Variants in BTBD7 observed in about 807,000 individuals in gnomAD.
The protein encoded by BTBD7 is BTB domain containing 7.
Under a neutral mutation model 99.9 loss-of-function variants are expected in BTBD7, and 38 were observed. That is an observed-to-expected ratio of 0.38 (90% confidence interval 0.29 to 0.50). BTBD7 has a LOEUF of 0.50. BTBD7 is among the 20% of genes least tolerant of loss of function. The pLI is 0.93. For synonymous variants in BTBD7, 520 were observed against 511.4 expected, an observed-to-expected ratio of 1.02 and a Z score of -0.23; for missense variants, 1,170 against 1,394.6, an observed-to-expected ratio of 0.84 and a Z score of 2.57.
Position 93,242,121 on chromosome 14 carries a change from G to A in BTBD7, c.*152C>T, listed in dbSNP as rs1367020870. The A allele has an allele frequency of 1.4e-5, 9 of 631,018 alleles. No individual in the cohort carries two copies. Among genetic ancestry groups the A allele is most frequent in the Non-Finnish European group, 2.1e-5 (8 of 376,790 alleles). 39.1% of individuals were successfully genotyped at this position (631,018 alleles called of 1,614,324 possible). A position where few individuals can be genotyped will look rare whatever the true frequency, so the allele number is the denominator to read the frequency against. Reference sequence around the variant, plus strand: ...AAACAAAACCTTCTTAGCATGCCATGTCTAATAAACACATATATACACAAA... The same window carrying A: ...AAACAAAACCTTCTTAGCATGCCATATCTAATAAACACATATATACACAAA... On this transcript the variant is annotated 3_prime_UTR_variant, in exon 11 of 11. Coordinates refer to ENST00000334746, the MANE Select transcript of BTBD7 (RefSeq NM_001002860.4).
At chr14:93,300,702 ATTTGTGTGTGTGTGTGTGTGTGTG>A (rs2052985455) in intron 1 of BTBD7, among the ~76,000 whole-genome samples, 2 of 107,506 alleles carry the variant, frequency 1.9e-5, no homozygotes, top group Non-Finnish European at 3.8e-5. Flanking sequence ...TGCCCAGCTA[ATTTGTGTGTGTGTGTGTGTGTGTG>A]TGTGTGTGTG....
chr14:93,257,738 C>A (rs1470790122), intron 5 of BTBD7, among the ~76,000 whole-genome samples: 2 of 152,162 alleles, frequency 1.3e-5, no homozygotes, highest in East Asian at 1.9e-4. Context: ...AGAGCATATG[C>A]CATTTCTGGT....
intron 1 of BTBD7, 40 bp from the exon 2 acceptor site, chr14:93,296,197 G>C (rs535804590): frequency 7.9e-7 from 1 of 1,259,146 alleles, no homozygotes; most frequent in African/African-American, 1.5e-5. Flanking sequence ...ATTTTTTCAA[G>C]TGTATCTCAG....
intron 3 of BTBD7, among the ~76,000 whole-genome samples, chr14:93,287,414 A>G (rs1228466777): frequency 7.0e-6 from 1 of 142,246 alleles, no homozygotes; most frequent in East Asian, 2.1e-4. Context: ...TCTAGTATTT[A>G]CCTCTCTATA....
chr14:93,276,153 T>C (rs1470090904), intron 3 of BTBD7, among the ~76,000 whole-genome samples: 1 of 152,156 alleles, frequency 6.6e-6, no homozygotes, highest in Non-Finnish European at 1.5e-5. Flanking sequence ...GAGGTCAAGG[T>C]TGCAGTGAGC....
Position 93,284,193 on chromosome 14 carries a change from C to G in BTBD7, c.1162+9665G>C, listed in dbSNP as rs555752737. 2.0e-5 allele frequency among the ~76,000 whole-genome samples: 3 copies of G among 152,258 alleles called. No homozygotes were observed. The South Asian group carries it at 6.2e-4, about 32-fold the overall frequency. ...GCCTTAAAAGATGAACAGCATTAAA[C>G]TGGCTTTTGAGAATTTTCTAAATTC... On this transcript the variant is annotated intron_variant, in intron 3 of 10. Coordinates refer to ENST00000334746, the MANE Select transcript of BTBD7 (RefSeq NM_001002860.4).
At chr14:93,331,718 T>C (rs953437594) in intron 1 of BTBD7, among the ~76,000 whole-genome samples, 1 of 152,036 alleles carries the variant, frequency 6.6e-6, no homozygotes, top group African/African-American at 2.4e-5. Context: ...ACGTCTCTAT[T>C]AAAAATACAA....
chr14:93,292,029 A>C (rs1261038889), intron 3 of BTBD7, among the ~76,000 whole-genome samples: 1 of 152,128 alleles, frequency 6.6e-6, no homozygotes, highest in Non-Finnish European at 1.5e-5. Context: ...TCTACTAAAA[A>C]TACAGAAATT....
At chr14:93,315,452 G>C (rs2053189321) in intron 1 of BTBD7, among the ~76,000 whole-genome samples, 1 of 152,168 alleles carries the variant, frequency 6.6e-6, no homozygotes, top group Non-Finnish European at 1.5e-5. Context: ...AATTTCTTGA[G>C]AACGTTGTGC....
At chr14:93,264,612 A>T (rs1318632195) in intron 3 of BTBD7, among the ~76,000 whole-genome samples, 1 of 152,204 alleles carries the variant, frequency 6.6e-6, no homozygotes, top group African/African-American at 2.4e-5. Context: ...AAGAAAACCT[A>T]AGGAGACTCA....
chr14:93,240,800 T>G lies in BTBD7; in HGVS notation c.*1473A>C, dbSNP rs1037639064. 1 of 152,650 alleles carries G rather than the reference T, an allele frequency of 6.6e-6. No homozygotes were observed. Among genetic ancestry groups the G allele is most frequent in the African/African-American group, 2.4e-5 (1 of 41,450 alleles). 9.5% of individuals were successfully genotyped at this position (152,650 alleles called of 1,614,324 possible). ...GGAGAGGATCCTGAAAGACCCCATG[T>G]GCTCAGTGGTTTAGTAAATGCCAAA... On this transcript the variant is annotated 3_prime_UTR_variant, in exon 11 of 11. Transcript: ENST00000334746.
intron 3 of BTBD7, among the ~76,000 whole-genome samples, chr14:93,268,756 CTTTTTTTTTTTTT>C (rs61483726): frequency 8.3e-6 from 1 of 120,910 alleles, no homozygotes; most frequent in Non-Finnish European, 1.7e-5. Flanking sequence ...TAACTTAGAC[CTTTTTTTTTTTTT>C]TTTTTTTTGA....
At chr14:93,249,239 T>C (rs1371466347) in intron 8 of BTBD7, among the ~76,000 whole-genome samples, 1 of 140,028 alleles carries the variant, frequency 7.1e-6, no homozygotes, top group African/African-American at 2.8e-5. Context: ...GAGCAGATTC[T>C]TGAAGAATGA....
intron 1 of BTBD7, among the ~76,000 whole-genome samples, chr14:93,301,853 CCAGA>C (rs1490374977): frequency 6.6e-6 from 1 of 152,204 alleles, no homozygotes; most frequent in Non-Finnish European, 1.5e-5. Flanking sequence ...GACAGATTTC[CCAGA>C]CAAAGCTTTT....
At chr14:93,323,539 T>C (rs2053293629) in intron 1 of BTBD7, among the ~76,000 whole-genome samples, 1 of 152,212 alleles carries the variant, frequency 6.6e-6, no homozygotes, top group African/African-American at 2.4e-5. Context: ...GCAAAAAATA[T>C]TTTAGGCAAG....
chr14:93,289,076 G>A (rs1247747247), intron 3 of BTBD7, among the ~76,000 whole-genome samples: 2 of 152,016 alleles, frequency 1.3e-5, no homozygotes, highest in African/African-American at 4.8e-5. Flanking sequence ...GCGAATTGAG[G>A]GGGCGGGGAC....
chr14:93,258,477 G>A lies in BTBD7; in HGVS notation c.1448-1122C>T, dbSNP rs151150055. On this transcript the variant is annotated intron_variant, in intron 5 of 10. Transcript: ENST00000334746. ...TGACAGGTAAGTGCAGAATCCTCCTGTATAAAACTGACTGAAACAAAGCTA... is the reference window on the plus strand; with the variant it reads ...TGACAGGTAAGTGCAGAATCCTCCTATATAAAACTGACTGAAACAAAGCTA... Among the ~76,000 whole-genome samples, 31 of 152,170 alleles carry A rather than the reference G, an allele frequency of 2.0e-4. No individual in the cohort carries two copies. The East Asian group carries it at 5.4e-3, about 27-fold the overall frequency.
intron 1 of BTBD7, among the ~76,000 whole-genome samples, chr14:93,299,525 C>T (rs1402676090): frequency 1.3e-5 from 2 of 152,128 alleles, no homozygotes; most frequent in Non-Finnish European, 2.9e-5. Context: ...CCAGAATATG[C>T]AAAAGGCTGA....
At chr14:93,297,989 G>A (rs947130960) in intron 1 of BTBD7, among the ~76,000 whole-genome samples, 2 of 152,148 alleles carry the variant, frequency 1.3e-5, no homozygotes, top group African/African-American at 4.8e-5. Context: ...AAGGTAAGAC[G>A]GCATGGTGTC....
Sources: allele counts gnomAD v4.1 joint callset (sites outside exome capture counted in the v4.1 genomes callset), GRCh38; gene constraint gnomAD v4.1.1; transcripts MANE v1.5; gene names NCBI Gene and HGNC (gene_info 2026-07-23, HGNC 2026-07-21).